Variants in PTPRD observed in about 807,000 individuals in gnomAD.
PTPRD encodes the protein protein tyrosine phosphatase receptor type D.
Under a neutral mutation model 214.5 loss-of-function variants are expected in PTPRD, and 34 were observed. That is an observed-to-expected ratio of 0.16 (90% CI 0.12 to 0.21). The LOEUF is 0.21. PTPRD is among the 10% of genes least tolerant of loss of function. PTPRD has a pLI of 1.00. For missense variants in PTPRD, 2,545 were observed against 2,398.7 expected (o/e 1.06, Z -1.27); for synonymous variants, 1,128 against 845.7 (o/e 1.33, Z -5.79).
At chr9:9,406,597 G>C (rs1322699702) in intron 8 of PTPRD, among the ~76,000 whole-genome samples, 1 of 151,744 alleles carries the variant, frequency 6.6e-6, no homozygotes, top group Non-Finnish European at 1.5e-5. Flanking sequence ...GGAGAATTTT[G>C]ATATATTTGA....
At chr9:9,074,262 C>G (rs2099747791) in intron 10 of PTPRD, among the ~76,000 whole-genome samples, 1 of 152,024 alleles carries the variant, frequency 6.6e-6, no homozygotes, top group Non-Finnish European at 1.5e-5. Flanking sequence ...GGCTGAAATA[C>G]TGAAGTTTAC....
intron 10 of PTPRD, among the ~76,000 whole-genome samples, chr9:9,060,403 A>G (rs1275248727): frequency 6.6e-6 from 1 of 152,200 alleles, no homozygotes; most frequent in Non-Finnish European, 1.5e-5. Context: ...ACAAATTTAG[A>G]AAATAACATG....
intron 5 of PTPRD, among the ~76,000 whole-genome samples, chr9:9,859,026 T>C (rs1159235822): frequency 6.6e-6 from 1 of 152,044 alleles, no homozygotes; most frequent in Non-Finnish European, 1.5e-5. Flanking sequence ...TGGGAGGTGA[T>C]TGGATGATGA....
At chr9:8,484,043 C>T (rs2135745683) in intron 30 of PTPRD, 76 bp downstream of exon 30, 1 of 1,518,878 alleles carries the variant, frequency 6.6e-7, no homozygotes, top group Non-Finnish European at 8.9e-7. Context: ...CTTTTACGAC[C>T]TCTATAATTT....
chr9:10,036,482 C>G (rs2097182761), intron 3 of PTPRD, among the ~76,000 whole-genome samples: 1 of 144,264 alleles, frequency 6.9e-6, no homozygotes, highest in Non-Finnish European at 1.5e-5. Context: ...CAAATAGCAG[C>G]AAGGCACACA....
At chr9:8,401,073 A>T (rs2092316473) in intron 36 of PTPRD, among the ~76,000 whole-genome samples, 1 of 152,128 alleles carries the variant, frequency 6.6e-6, no homozygotes, top group Non-Finnish European at 1.5e-5. Flanking sequence ...TTTAGGCATA[A>T]TATTATATAT....
chr9:8,753,089 T>C (rs1240910702), intron 11 of PTPRD, among the ~76,000 whole-genome samples: 1 of 152,226 alleles, frequency 6.6e-6, no homozygotes, highest in Non-Finnish European at 1.5e-5. Flanking sequence ...AACCAACTAA[T>C]AAAATCACTA....
intron 9 of PTPRD, among the ~76,000 whole-genome samples, chr9:9,372,494 A>G (rs1211973308): frequency 6.6e-6 from 1 of 151,660 alleles, no homozygotes; most frequent in Admixed American, 6.6e-5. Context: ...CTTTATTTTG[A>G]GCCTACGTGT....
At chr9:10,452,908 T>A (rs1360383955) in intron 2 of PTPRD, among the ~76,000 whole-genome samples, 1 of 151,768 alleles carries the variant, frequency 6.6e-6, no homozygotes, top group African/African-American at 2.4e-5. Context: ...GAAGAGCATA[T>A]CAATGAGCAT....
At chr9:8,751,008 G>A (rs925533702) in intron 11 of PTPRD, among the ~76,000 whole-genome samples, 4 of 152,226 alleles carry the variant, frequency 2.6e-5, no homozygotes, top group Non-Finnish European at 5.9e-5. Flanking sequence ...TAGCCATTAA[G>A]CTCTATTGTG....
At chr9:9,387,076 T>C (rs112554146) in intron 9 of PTPRD, among the ~76,000 whole-genome samples, 1 of 152,356 alleles carries the variant, frequency 6.6e-6, no homozygotes, top group Non-Finnish European at 1.5e-5. Flanking sequence ...CTTTCCTTTG[T>C]CTTAGCCAGA....
chr9:9,327,864 C>G lies in PTPRD; in HGVS notation c.-203+69585G>C, dbSNP rs541504687. On this transcript the variant is annotated intron_variant, in intron 9 of 45. Coordinates refer to ENST00000381196, the MANE Select transcript of PTPRD (RefSeq NM_002839.4). Reference sequence around the variant, plus strand: ...CGTTGGAAGAAGAATTGTTTTGGGCCACACATAAAATACACTAACACTAAC... The same window carrying G: ...CGTTGGAAGAAGAATTGTTTTGGGCGACACATAAAATACACTAACACTAAC... 5.3e-5 allele frequency among the ~76,000 whole-genome samples: 8 copies of G among 149,712 alleles called. No homozygotes were observed. The East Asian group carries it at 1.6e-3, about 29-fold the overall frequency.
At chr9:8,963,499 A>G (rs2154321383) in intron 11 of PTPRD, among the ~76,000 whole-genome samples, 1 of 152,226 alleles carries the variant, frequency 6.6e-6, no homozygotes, top group Admixed American at 6.5e-5. Context: ...AACTTTTTCC[A>G]TGTCTATTGA....
chr9:8,595,731 G>C (rs79994852), intron 14 of PTPRD, among the ~76,000 whole-genome samples: 12,668 of 152,170 alleles, frequency 0.083, 705 homozygotes, highest in Non-Finnish European at 0.11. Flanking sequence ...TACTGTATTG[G>C]AGGTCATAAT....
At chr9:8,665,524 TGTTAA>T (rs1163303002) in intron 12 of PTPRD, among the ~76,000 whole-genome samples, 1 of 152,252 alleles carries the variant, frequency 6.6e-6, no homozygotes, top group African/African-American at 2.4e-5. Flanking sequence ...AAAGCTCAAC[TGTTAA>T]GTCACTTACC....
chr9:9,432,935 A>G (rs1178482899), intron 8 of PTPRD, among the ~76,000 whole-genome samples: 3 of 152,158 alleles, frequency 2.0e-5, no homozygotes, highest in Admixed American at 6.6e-5. Flanking sequence ...TTTACTTTCA[A>G]ATATTCACTA....
At chr9:9,514,849 C>T (rs1397886840) in intron 8 of PTPRD, among the ~76,000 whole-genome samples, 2 of 151,990 alleles carry the variant, frequency 1.3e-5, no homozygotes, top group East Asian at 1.9e-4. Context: ...GAAATAGCTC[C>T]AAAGTGCCTA....
At chr9:9,657,282 A>T (rs959462534) in intron 7 of PTPRD, among the ~76,000 whole-genome samples, 1 of 152,170 alleles carries the variant, frequency 6.6e-6, no homozygotes, top group Non-Finnish European at 1.5e-5. Context: ...GCCATAAAAA[A>T]AAAGGTCATG....
chr9:9,398,671 G>C (rs925919022), intron 8 of PTPRD, among the ~76,000 whole-genome samples: 3 of 151,808 alleles, frequency 2.0e-5, no homozygotes, highest in Non-Finnish European at 4.4e-5. Context: ...AATTCTTTAA[G>C]ACTTTTTCAA....
Sources: allele counts gnomAD v4.1 joint callset (sites outside exome capture counted in the v4.1 genomes callset), GRCh38; gene constraint gnomAD v4.1.1; transcripts MANE v1.5; gene names NCBI Gene and HGNC (gene_info 2026-07-23, HGNC 2026-07-21).